Variants in PABPC4L observed in about 807,000 individuals in gnomAD.
The protein encoded by PABPC4L is polyadenylate-binding protein 4-like.
For synonymous variants in PABPC4L, 169 were observed against 164.1 expected (o/e 1.03, Z -0.23); for missense variants, 452 against 451.4 (o/e 1.00, Z -0.01).
At chr4:133,980,381 T>C in the PABPC4L span, among the ~76,000 whole-genome samples, 1 of 152,196 alleles carries the variant, frequency 6.6e-6, no homozygotes, top group African/African-American at 2.4e-5. Flanking sequence ...CTTGGAAAGA[T>C]GTGGTCTTAG....
the PABPC4L span, among the ~76,000 whole-genome samples, chr4:134,102,482 TG>T: frequency 6.6e-6 from 1 of 151,490 alleles, no homozygotes; most frequent in African/African-American, 2.4e-5. Flanking sequence ...AGAATTATAA[TG>T]TTTAAAAAGT....
chr4:134,125,400 G>T, the PABPC4L span, among the ~76,000 whole-genome samples: 570 of 151,990 alleles, frequency 3.8e-3, 2 homozygotes, highest in African/African-American at 0.013. Context: ...CCATGCTGTT[G>T]TGTTGCACCC....
the PABPC4L span, among the ~76,000 whole-genome samples, chr4:133,957,588 A>G: frequency 3.9e-5 from 6 of 152,188 alleles, no homozygotes; most frequent in Admixed American, 6.5e-5. Flanking sequence ...GTGCCCCAGT[A>G]GAGACTCTGT....
the PABPC4L span, among the ~76,000 whole-genome samples, chr4:134,002,462 C>T: frequency 3.3e-5 from 5 of 151,806 alleles, no homozygotes; most frequent in African/African-American, 7.2e-5. Flanking sequence ...AAGGGATATA[C>T]ATAAATACAA....
At chr4:134,187,127 C>T in the PABPC4L span, among the ~76,000 whole-genome samples, 65 of 152,182 alleles carry the variant, frequency 4.3e-4, no homozygotes, top group East Asian at 0.012. Context: ...TTGCGGAAGA[C>T]AGTGTGGCAA....
chr4:134,136,301 C>T, the PABPC4L span, among the ~76,000 whole-genome samples: 1 of 152,130 alleles, frequency 6.6e-6, no homozygotes, highest in East Asian at 1.9e-4. Context: ...TCCTGCAAGG[C>T]CCATATACTG....
chr4:133,976,320 G>A, the PABPC4L span, among the ~76,000 whole-genome samples: 2 of 152,142 alleles, frequency 1.3e-5, no homozygotes, highest in African/African-American at 4.8e-5. Flanking sequence ...ATTCCATAGT[G>A]TATATGTATC....
the PABPC4L span, among the ~76,000 whole-genome samples, chr4:134,002,411 CAT>C: frequency 1.3e-4 from 20 of 151,822 alleles, no homozygotes; most frequent in African/African-American, 4.1e-4. Flanking sequence ...AAGTGATAGA[CAT>C]ATATTTGCAA....
the PABPC4L span, among the ~76,000 whole-genome samples, chr4:134,080,917 T>G: frequency 6.6e-6 from 1 of 152,132 alleles, no homozygotes; most frequent in East Asian, 1.9e-4. Context: ...ACCATGTAAC[T>G]GACAACTTCT....
chr4:134,054,219 A>AT, the PABPC4L span, among the ~76,000 whole-genome samples: 81 of 127,242 alleles, frequency 6.4e-4, 1 homozygote, highest in Non-Finnish European at 4.2e-4. Flanking sequence ...ATATATTTTG[A>AT]TTTTTTTTAA....
the PABPC4L span, among the ~76,000 whole-genome samples, chr4:133,994,279 C>T: frequency 2.0e-5 from 3 of 152,044 alleles, no homozygotes; most frequent in Non-Finnish European, 4.4e-5. Context: ...AATTTCTCTC[C>T]CTTTAAAGGC....
the PABPC4L span, among the ~76,000 whole-genome samples, chr4:133,995,529 C>G: frequency 1.3e-5 from 2 of 152,130 alleles, no homozygotes; most frequent in Non-Finnish European, 2.9e-5. Flanking sequence ...TAATTTGTCT[C>G]TTAATTCCCT....
chr4:133,961,575 G>A, the PABPC4L span, among the ~76,000 whole-genome samples: 308 of 152,208 alleles, frequency 2.0e-3, 1 homozygote, highest in African/African-American at 7.0e-3. Context: ...TATAAACCCC[G>A]GCACTTGAGA....
At chr4:134,100,492 A>C in the PABPC4L span, among the ~76,000 whole-genome samples, 2 of 151,652 alleles carry the variant, frequency 1.3e-5, no homozygotes, top group African/African-American at 4.8e-5. Context: ...CCATACCTAG[A>C]AGTGTCATAT....
chr4:133,971,257 G>A, the PABPC4L span, among the ~76,000 whole-genome samples: 1 of 151,612 alleles, frequency 6.6e-6, no homozygotes, highest in Non-Finnish European at 1.5e-5. Context: ...GACTACAGGG[G>A]CCCGCCACCA....
the PABPC4L span, among the ~76,000 whole-genome samples, chr4:134,183,250 T>G: frequency 6.6e-6 from 1 of 151,884 alleles, no homozygotes; most frequent in African/African-American, 2.4e-5. Context: ...ATATGGTACC[T>G]ATACACAATG....
chr4:134,093,837 C>T, the PABPC4L span, among the ~76,000 whole-genome samples: 470 of 151,250 alleles, frequency 3.1e-3, 4 homozygotes, highest in African/African-American at 0.011. Context: ...TGTATTAATA[C>T]CTGCTATTTT....
At chr4:134,162,183 C>A in the PABPC4L span, among the ~76,000 whole-genome samples, 3 of 151,876 alleles carry the variant, frequency 2.0e-5, no homozygotes, top group Non-Finnish European at 4.4e-5. Flanking sequence ...GGAAGAACAA[C>A]AAAACAACCA....
chr4:134,061,983 G>A, the PABPC4L span, among the ~76,000 whole-genome samples: 124,279 of 151,844 alleles, frequency 0.82, 51,374 homozygotes, highest in East Asian at 1. Context: ...CAAGGAAAAT[G>A]CAATAAACAT....
Sources: gnomAD v4.1 joint callset for allele counts (sites outside exome capture counted in the v4.1 genomes callset) on GRCh38, gnomAD v4.1.1 for gene constraint, MANE v1.5 for transcripts, NCBI Gene and HGNC (gene_info 2026-07-23, HGNC 2026-07-21) for gene names.